Variants in GALNTL6 observed in about 807,000 individuals in gnomAD.
The protein encoded by GALNTL6 is polypeptide N-acetylgalactosaminyltransferase like 6, also known as polypeptide N-acetylgalactosaminyltransferase-like 6.
Under a neutral mutation model 73.7 loss-of-function variants are expected in GALNTL6, and 46 were observed. The ratio of observed to expected loss-of-function variants is 0.62; its 90% CI spans 0.49 to 0.80. GALNTL6 has a LOEUF of 0.80. Ranked by LOEUF, GALNTL6 falls within the 30% of genes least tolerant of loss-of-function variation. GALNTL6 has a pLI of 0.00. For synonymous variants in GALNTL6, 259 were observed against 263.7 expected (o/e 0.98, Z 0.17); for missense variants, 604 against 755.0 (o/e 0.80, Z 2.34).
intron 2 of GALNTL6, among the ~76,000 whole-genome samples, chr4:171,893,313 A>C (rs948136204): frequency 3.3e-5 from 5 of 152,040 alleles, no homozygotes; most frequent in African/African-American, 1.2e-4. Context: ...CTGTCTCCTT[A>C]GAACCTCAAA....
At position 173,010,771 on chromosome 4, in the gene GALNTL6, T is replaced by A. The variant is rs1752515765; in HGVS notation, c.1488+1477T>A. Among the ~76,000 whole-genome samples the A allele has an allele frequency of 3.5e-5, 3 of 86,548 alleles. No homozygotes were observed. In the South Asian group the frequency reaches 8.7e-4, roughly 25 times the overall value. 56.8% of individuals were successfully genotyped at this position (86,548 alleles called of 152,430 possible). ...CACCATGCCCAGCTAATTTTTGTATTTTTTTTTTTTTTTTTAGTAGAGACA... is the reference window on the plus strand; with the variant it reads ...CACCATGCCCAGCTAATTTTTGTATATTTTTTTTTTTTTTTAGTAGAGACA... On this transcript the variant is annotated intron_variant, in intron 11 of 12. Coordinates refer to ENST00000506823, the MANE Select transcript of GALNTL6 (RefSeq NM_001034845.3).
chr4:172,057,356 G>C (rs1731046262), intron 2 of GALNTL6, among the ~76,000 whole-genome samples: 1 of 151,704 alleles, frequency 6.6e-6, no homozygotes, highest in Non-Finnish European at 1.5e-5. Context: ...AGAGGTTGCA[G>C]AATATTTAGA....
intron 2 of GALNTL6, among the ~76,000 whole-genome samples, chr4:171,846,937 CATATAATTATATGTAATTATATATGA>C (rs1230178528): frequency 0.015 from 324 of 21,818 alleles, 2 homozygotes; most frequent in African/African-American, 0.037. Flanking sequence ...ATTATATATA[CATATAATTATATGTAATTATATATGA>C]ATATAGTTAT....
intron 5 of GALNTL6, among the ~76,000 whole-genome samples, chr4:172,520,224 A>G (rs1734732928): frequency 6.6e-6 from 1 of 151,920 alleles, no homozygotes; most frequent in Non-Finnish European, 1.5e-5. Context: ...AAGGACCTGA[A>G]CACAAATCTC....
At chr4:172,867,392 A>G (rs1038067464) in intron 7 of GALNTL6, among the ~76,000 whole-genome samples, 36 of 152,336 alleles carry the variant, frequency 2.4e-4, no homozygotes, top group Admixed American at 2.4e-3. Context: ...ATCTGAAGAC[A>G]GTCAGAAAAC....
chr4:172,371,696 T>C (rs1742817055), intron 5 of GALNTL6, among the ~76,000 whole-genome samples: 1 of 152,130 alleles, frequency 6.6e-6, no homozygotes, highest in African/African-American at 2.4e-5. Flanking sequence ...TCTCTCTCTC[T>C]CTCTTTGACT....
intron 5 of GALNTL6, among the ~76,000 whole-genome samples, chr4:172,366,671 G>A (rs1742576441): frequency 6.6e-6 from 1 of 152,080 alleles, no homozygotes; most frequent in Admixed American, 6.5e-5. Flanking sequence ...AGCACTACAG[G>A]TCTGTGTGAA....
intron 2 of GALNTL6, among the ~76,000 whole-genome samples, chr4:171,982,358 C>G (rs151134065): frequency 6.6e-6 from 1 of 152,012 alleles, no homozygotes; most frequent in Non-Finnish European, 1.5e-5. Flanking sequence ...AGTGCAGTGG[C>G]GCGATCTCGG....
chr4:172,244,281 A>G (rs1737550279), intron 3 of GALNTL6, among the ~76,000 whole-genome samples: 1 of 151,908 alleles, frequency 6.6e-6, no homozygotes, highest in Non-Finnish European at 1.5e-5. Flanking sequence ...CTAAAATTAG[A>G]ACACAACTTA....
chr4:172,484,058 G>A (rs1263086200), intron 5 of GALNTL6, among the ~76,000 whole-genome samples: 4 of 152,068 alleles, frequency 2.6e-5, no homozygotes, highest in Non-Finnish European at 5.9e-5. Context: ...GGAAGAAAGA[G>A]GCAGATGAAA....
chr4:172,124,865 T>C (rs1430705128), intron 2 of GALNTL6, among the ~76,000 whole-genome samples: 3 of 152,022 alleles, frequency 2.0e-5, no homozygotes, highest in Non-Finnish European at 4.4e-5. Flanking sequence ...TGGCTCTTAG[T>C]AACAGCATGG....
At chr4:172,274,968 TGG>T (rs1226679939) in intron 3 of GALNTL6, among the ~76,000 whole-genome samples, 2 of 152,192 alleles carry the variant, frequency 1.3e-5, no homozygotes, top group Non-Finnish European at 2.9e-5. Flanking sequence ...TGAGATTACC[TGG>T]GTGTCCTGTG....
chr4:172,659,771 C>T (rs1005067073), intron 5 of GALNTL6, among the ~76,000 whole-genome samples: 2 of 152,160 alleles, frequency 1.3e-5, no homozygotes, highest in African/African-American at 4.8e-5. Flanking sequence ...ATCTGGCTGG[C>T]CTGCTTCAAC....
intron 2 of GALNTL6, among the ~76,000 whole-genome samples, chr4:171,899,490 G>A (rs570740756): frequency 7.2e-5 from 11 of 152,162 alleles, no homozygotes; most frequent in Admixed American, 2.6e-4. Flanking sequence ...CAGGAAAATC[G>A]TTTATTTAAT....
chr4:172,084,695 T>C (rs1025139238), intron 2 of GALNTL6, among the ~76,000 whole-genome samples: 4 of 152,196 alleles, frequency 2.6e-5, no homozygotes, highest in Admixed American at 6.5e-5. Context: ...GCCCACTGAA[T>C]GTATTAAACT....
Position 172,453,927 on chromosome 4 carries a change from T to C in GALNTL6, c.553+105238T>C, listed in dbSNP as rs149911863. On this transcript the variant is annotated intron_variant, in intron 5 of 12. Coordinates refer to ENST00000506823, the MANE Select transcript of GALNTL6 (RefSeq NM_001034845.3). ...AAACATGCCCCATTCGTAAAATAAA[T>C]AAGACTGTACAACTTACAGAAATAT... 8.3e-3 allele frequency among the ~76,000 whole-genome samples: 1,258 copies of C among 152,174 alleles called. 5 individuals are homozygous for C. Among genetic ancestry groups the C allele is most frequent in the Non-Finnish European group, 0.015 (986 of 67,984 alleles).
At chr4:172,141,724 T>C (rs1733801622) in intron 2 of GALNTL6, among the ~76,000 whole-genome samples, 1 of 151,804 alleles carries the variant, frequency 6.6e-6, no homozygotes. Flanking sequence ...AGAAAAAAAT[T>C]AAAAATGAAA....
chr4:172,952,002 C>A, intron 9 of GALNTL6, 35 bp from the exon 10 acceptor site: 1 of 1,457,800 alleles, frequency 6.9e-7, no homozygotes, highest in Non-Finnish European at 9.1e-7. Context: ...AATGAATAAA[C>A]CAATAAATGA....
chr4:172,036,039 C>T (rs753901145), intron 2 of GALNTL6, among the ~76,000 whole-genome samples: 17 of 152,036 alleles, frequency 1.1e-4, no homozygotes, highest in Non-Finnish European at 2.4e-4. Context: ...TTGTTAACCC[C>T]AGACATTTAA....
Sources: allele counts gnomAD v4.1 joint callset (sites outside exome capture counted in the v4.1 genomes callset), GRCh38; gene constraint gnomAD v4.1.1; transcripts MANE v1.5; gene names NCBI Gene and HGNC (gene_info 2026-07-23, HGNC 2026-07-21).